The following SHOX2 variants were observed in gnomAD, a reference collection of about 807,000 sequenced individuals.
SHOX2 encodes SHOX homeobox 2, also known as short stature homeobox protein 2.
Under a neutral mutation model 31.3 loss-of-function variants are expected in SHOX2, and 13 were observed. The observed-to-expected ratio is 0.42, with a 90% CI of 0.27 to 0.66. The LOEUF (loss-of-function observed/expected upper bound fraction) is 0.66, where lower values mean the gene tolerates loss of function less well. Among genes scored for constraint, SHOX2 ranks in the 30% least tolerant of loss-of-function variants. The pLI, the probability that SHOX2 is intolerant of heterozygous loss-of-function variation, is 0.27. For missense variants in SHOX2, 473 were observed against 443.0 expected (o/e 1.07, Z -0.61); for synonymous variants, 244 against 196.2 (o/e 1.24, Z -2.04).
Position 158,096,924 on chromosome 3 carries a change from ATATATATGGCAAATATATG to A in SHOX2, c.*1084_*1102del, listed in dbSNP as rs1270808703. 3 of 126,244 alleles carry A rather than the reference ATATATATGGCAAATATATG, an allele frequency of 2.4e-5. No individual in the cohort carries two copies. The highest frequency in any genetic ancestry group is 5.0e-5 in the Non-Finnish European group (3 of 60,604). 7.8% of individuals were successfully genotyped at this position (126,244 alleles called of 1,614,324 possible). A position where few individuals can be genotyped will look rare whatever the true frequency, so the allele number is the denominator to read the frequency against. On this transcript the variant is annotated 3_prime_UTR_variant, in exon 5 of 5. Coordinates refer to ENST00000483851, the MANE Select transcript of SHOX2 (RefSeq NM_001163678.2). ...TATATATATATATATATATATATAT[ATATATATGGCAAATATATG>A]ATATATATATATGGATATATATATA...
rs1713067981 is a variant in SHOX2, at chr3:158,096,348, A to C, written c.*1679T>G. ...GGCTTGCTAGCGAATTGGGATACAG[A>C]CTGGCTTAGTCCAAGGTATCCCAGT... is the stretch of plus-strand genomic sequence containing the variant. On this transcript the variant is annotated 3_prime_UTR_variant, in exon 5 of 5. Transcript: ENST00000483851. 1 of 152,130 alleles carries C rather than the reference A, an allele frequency of 6.6e-6. No homozygotes were observed. The highest frequency in any genetic ancestry group is 1.5e-5 in the Non-Finnish European group (1 of 67,986). 9.4% of individuals were successfully genotyped at this position (152,130 alleles called of 1,614,324 possible).
chr3:158,099,358 G>A (rs944509538), intron 4 of SHOX2, among the ~76,000 whole-genome samples: 8 of 152,252 alleles, frequency 5.3e-5, no homozygotes, highest in Admixed American at 2.6e-4. Context: ...CTTTACCAGA[G>A]ATGAAGCTTT....
At position 158,096,957 on chromosome 3, in the gene SHOX2, G is replaced by GAT. The variant is rs1175816670; in HGVS notation, c.*1068_*1069dup. On this transcript the variant is annotated 3_prime_UTR_variant, in exon 5 of 5. Transcript: ENST00000483851. ...GGCAAATATATGATATATATATATGGATATATATATATCAATTTCCAGATA... is the reference window on the plus strand; with the variant it reads ...GGCAAATATATGATATATATATATGGATATATATATATATCAATTTCCAGATA... 25 of 57,616 alleles carry GAT rather than the reference G, an allele frequency of 4.3e-4. No homozygotes were observed. The highest frequency in any genetic ancestry group is 8.9e-4 in the East Asian group (2 of 2,248). The allele number at this position is 57,616 out of a possible 1,614,324, so 3.6% of individuals were successfully genotyped here. A position where few individuals can be genotyped will look rare whatever the true frequency, so the allele number is the denominator to read the frequency against.
intron 2 of SHOX2, among the ~76,000 whole-genome samples, chr3:158,101,936 A>G (rs547397839): frequency 9.7e-4 from 148 of 152,290 alleles, no homozygotes; most frequent in African/African-American, 3.5e-3. Context: ...ACAACCAATA[A>G]AGAAAATCTG....
rs774721985 is a variant in SHOX2, at chr3:158,098,159, C to A, written c.828G>T (p.Thr276=). 3.1e-6 allele frequency: 5 copies of A among 1,613,262 alleles called. No individual in the cohort carries two copies. Among genetic ancestry groups the A allele is most frequent in the Middle Eastern group, 1.7e-4 (1 of 6,056 alleles). The change falls in exon 5 of 5, where the codon ACG becomes ACT. Residue 276 remains threonine (T), a synonymous_variant. Coordinates refer to ENST00000483851, the MANE Select transcript of SHOX2 (RefSeq NM_001163678.2). ...PAPPFGLPLA[T]LAADSASAAS... is the part of the protein sequence containing the mutation. ...CGGCGGAAGCCGAATCCGCGGCCAG[C>A]GTGGCGAGCGGCAGTCCGAAGGGCG...
At chr3:158,103,195 T>TC in intron 1 of SHOX2, 1 of 462,824 alleles carries the variant, frequency 2.2e-6, no homozygotes, top group Non-Finnish European at 4.0e-6. Flanking sequence ...TCACCGGCCT[T>TC]CCCCAGCAAA....
At chr3:158,102,985 C>A (rs1713605974) in intron 1 of SHOX2, 99 bp from the exon 2 acceptor site, 4 of 1,149,838 alleles carry the variant, frequency 3.5e-6, no homozygotes, top group Non-Finnish European at 2.6e-6. Context: ...AATCCTGTTA[C>A]CAGATTTGTC....
At chr3:158,104,505 A>C (rs1479008566) in intron 1 of SHOX2, among the ~76,000 whole-genome samples, 1 of 152,254 alleles carries the variant, frequency 6.6e-6, no homozygotes, top group Non-Finnish European at 1.5e-5. Context: ...TTATGGGCCA[A>C]TTTAATAGCA....
chr3:158,104,745 G>A (rs1559898202), intron 1 of SHOX2, among the ~76,000 whole-genome samples: 1 of 152,132 alleles, frequency 6.6e-6, no homozygotes, highest in South Asian at 2.1e-4. Flanking sequence ...GGAACAGACC[G>A]TGTCATAAAC....
Position 158,100,259 on chromosome 3 carries a change from T to C in SHOX2, c.608A>G (p.His203Arg). Reference sequence around the variant, plus strand: ...TCCTTGTATAAGAAGCATACCTTTATGGAGTTGATTTTCTTGTTTTCTACA... The same window carrying C: ...TCCTTGTATAAGAAGCATACCTTTACGGAGTTGATTTTCTTGTTTTCTACA... ...AKCRKQENQL[H>R]KGVLIGAASQ... The change falls in exon 3 of 5, where the codon CAT (histidine) becomes CGT (arginine). Residue 203 changes from histidine to arginine, a missense_variant. By Grantham distance (29) the His-to-Arg change is conservative. This residue lies in a region of SHOX2 where 182 missense variants were observed against 167.2 expected (regional missense o/e 1.09). Transcript: ENST00000483851. 6.2e-7 allele frequency: 1 copy of C among 1,600,298 alleles called. No homozygotes were observed. Among genetic ancestry groups the C allele is most frequent in the Admixed American group, 1.7e-5 (1 of 57,860 alleles).
chr3:158,100,161 T>C, intron 3 of SHOX2, 93 bp downstream of exon 3: 3 of 1,128,264 alleles, frequency 2.7e-6, no homozygotes, highest in South Asian at 3.0e-5. Context: ...ATTGTCATTT[T>C]TGAGGTTCCT....
At chr3:158,100,187 T>A in intron 3 of SHOX2, 67 bp downstream of exon 3, 2 of 1,291,288 alleles carry the variant, frequency 1.5e-6, no homozygotes, top group Non-Finnish European at 2.2e-6. Flanking sequence ...TCTGTCATTG[T>A]AATAGTAATA....
chr3:158,097,995 G>A lies in SHOX2; in HGVS notation c.*32C>T. ...GAGGGCGTGCAGGCTGAGTGCCGCG[G>A]GACAGGCGCGACATTGGTGCTGGCG... On this transcript the variant is annotated 3_prime_UTR_variant, in exon 5 of 5. Coordinates refer to ENST00000483851, the MANE Select transcript of SHOX2 (RefSeq NM_001163678.2). The A allele has an allele frequency of 3.8e-6, 6 of 1,562,208 alleles. No homozygotes were observed. The highest frequency in any genetic ancestry group is 5.2e-6 in the Non-Finnish European group (6 of 1,152,918).
chr3:158,105,929 C>T lies in SHOX2; in HGVS notation c.96G>A (p.Gly32=), dbSNP rs1461760457. The T allele has an allele frequency of 1.2e-6, 2 of 1,607,474 alleles. No individual in the cohort carries two copies. The highest frequency in any genetic ancestry group is 1.1e-5 in the South Asian group (1 of 90,978). The change falls in exon 1 of 5, where the codon GGG becomes GGA. Residue 32 remains glycine, a synonymous_variant. Coordinates refer to ENST00000483851, the MANE Select transcript of SHOX2 (RefSeq NM_001163678.2). ...TCGGCTCCTTGGCCCCGCGCAGCGG[C>T]CCGCTCTCCAGCACCTCCCGGTACG... The part of the protein sequence containing the change: ...AITYREVLES[G]PLRGAKEPTG...
intron 2 of SHOX2, among the ~76,000 whole-genome samples, chr3:158,101,191 CAAATT>C (rs1175275809): frequency 6.6e-6 from 1 of 152,178 alleles, no homozygotes; most frequent in Non-Finnish European, 1.5e-5. Context: ...GATTGACTCA[CAAATT>C]AAAGTTTTTA....
In SHOX2 at chr3:158,098,071, G is replaced by T; in HGVS notation, c.916C>A (p.Leu306Ile). 13 of 1,611,524 alleles carry T rather than the reference G, an allele frequency of 8.1e-6. No individual in the cohort carries two copies. The highest frequency in any genetic ancestry group is 1.1e-5 in the Non-Finnish European group (13 of 1,178,298). ...TTSKNSSIAD[L>I]RLKAKKHAAA... ...GCGTGCTTTTTGGCTTTCAGTCTGA[G>T]ATCGGCGATGCTGGAGTTCTTGCTG... The change falls in exon 5 of 5, where the codon CTC (leucine) becomes ATC (isoleucine). Residue 306 changes from leucine (L) to isoleucine (I), a missense_variant. By Grantham distance (5) the Leu-to-Ile change is conservative (BLOSUM62 2). This residue lies in a region of SHOX2 where 182 missense variants were observed against 167.2 expected (regional missense o/e 1.09). Coordinates refer to ENST00000483851, the MANE Select transcript of SHOX2 (RefSeq NM_001163678.2).
chr3:158,099,429 CT>C (rs1443630890), intron 4 of SHOX2, among the ~76,000 whole-genome samples: 2 of 152,160 alleles, frequency 1.3e-5, no homozygotes, highest in Non-Finnish European at 2.9e-5. Context: ...GCTGGGAGTA[CT>C]TGTGTTTATT....
intron 1 of SHOX2, chr3:158,103,211 A>C: frequency 2.3e-6 from 1 of 438,806 alleles, no homozygotes. Context: ...GCAAACACCA[A>C]ATGGTTTCCA....
intron 4 of SHOX2, among the ~76,000 whole-genome samples, chr3:158,099,643 T>TAA (rs1215693059): frequency 2.6e-4 from 39 of 152,266 alleles, no homozygotes; most frequent in African/African-American, 7.0e-4. Context: ...CCAGGCCCCT[T>TAA]CAGGGATTCC....
Sources: gnomAD v4.1 joint callset for allele counts (sites outside exome capture counted in the v4.1 genomes callset) on GRCh38, gnomAD v4.1.1 for gene constraint, gnomAD v4.1.1 regional missense constraint, MANE v1.5 for transcripts, NCBI Gene and HGNC (gene_info 2026-07-23, HGNC 2026-07-21) for gene names.